FRMPD4: variants seen among roughly 807,000 people sequenced by gnomAD.
FRMPD4 encodes FERM and PDZ domain containing 4.
Under a neutral mutation model 94.1 loss-of-function variants are expected in FRMPD4, and 22 were observed. The observed-to-expected ratio is 0.23, with a 90% CI of 0.17 to 0.33. The LOEUF (loss-of-function observed/expected upper bound fraction) is 0.33, where lower values mean the gene tolerates loss of function less well. FRMPD4 is among the 10% of genes least tolerant of loss of function. The pLI, the probability that FRMPD4 is intolerant of heterozygous loss-of-function variation, is 1.00. For synonymous variants in FRMPD4, 631 were observed against 548.6 expected (o/e 1.15, Z -2.10); for missense variants, 1,111 against 1,339.9 (o/e 0.83, Z 2.67).
chrX:12,045,739 T>C (rs2054781892), intron 3 of FRMPD4, among the ~76,000 whole-genome samples: 1 of 111,464 alleles, frequency 9.0e-6, no homozygotes, highest in South Asian at 3.8e-4. Flanking sequence ...AATTGAGATT[T>C]AAGAATGGGA....
At chrX:12,638,957 C>T (rs1395381424) in intron 4 of FRMPD4, among the ~76,000 whole-genome samples, 1 of 111,436 alleles carries the variant, frequency 9.0e-6, no homozygotes, top group Non-Finnish European at 1.9e-5. Flanking sequence ...CTTGTAGATT[C>T]CCAGGATGAG....
At chrX:12,269,898 G>C (rs2054329321) in intron 1 of FRMPD4, among the ~76,000 whole-genome samples, 1 of 112,442 alleles carries the variant, frequency 8.9e-6, no homozygotes, top group African/African-American at 3.2e-5. Flanking sequence ...GGAAGAAATA[G>C]GTATTTGAAC....
intron 1 of FRMPD4, among the ~76,000 whole-genome samples, chrX:12,189,983 A>G (rs770072460): frequency 2.7e-5 from 3 of 111,597 alleles, no homozygotes; most frequent in East Asian, 5.7e-4. Flanking sequence ...GAAATAATCA[A>G]CAAAAAAATT....
At chrX:12,512,959 C>G (rs2058059166) in intron 2 of FRMPD4, among the ~76,000 whole-genome samples, 1 of 112,461 alleles carries the variant, frequency 8.9e-6, no homozygotes, top group African/African-American at 3.2e-5. Context: ...ATTTGCATTT[C>G]TCTGATGATC....
intron 3 of FRMPD4, among the ~76,000 whole-genome samples, chrX:12,010,452 A>G (rs753408438): frequency 4.5e-5 from 5 of 112,102 alleles, no homozygotes; most frequent in Non-Finnish European, 7.5e-5. Flanking sequence ...AGTCCATTCC[A>G]GAGCTTTTAA....
At chrX:12,284,695 G>A (rs530692402) in intron 1 of FRMPD4, among the ~76,000 whole-genome samples, 3 of 111,687 alleles carry the variant, frequency 2.7e-5, no homozygotes, top group South Asian at 3.8e-4. Flanking sequence ...TGAAGATGTC[G>A]TCCTGTATTT....
At chrX:12,552,021 G>T (rs911394136) in intron 2 of FRMPD4, among the ~76,000 whole-genome samples, 26 of 111,614 alleles carry the variant, frequency 2.3e-4, no homozygotes, top group Non-Finnish European at 3.2e-4. Flanking sequence ...TCAAAATAAT[G>T]AGTTGGTTCC....
At chrX:12,110,961 G>C (rs1250557692) in intron 3 of FRMPD4, among the ~76,000 whole-genome samples, 1 of 111,750 alleles carries the variant, frequency 8.9e-6, no homozygotes, top group Non-Finnish European at 1.9e-5. Flanking sequence ...CTCATGGATA[G>C]GAAAAATCAA....
chrX:11,930,396 G>T (rs1239092571), intron 3 of FRMPD4, among the ~76,000 whole-genome samples: 1 of 111,084 alleles, frequency 9.0e-6, no homozygotes, highest in Non-Finnish European at 1.9e-5. Context: ...CTTGAATTGA[G>T]TGGGCTCTAA....
chrX:12,722,468 T>C lies in FRMPD4; in HGVS notation c.*610T>C, dbSNP rs2042258214. ...ATCCCACATATTTAATTTGGGTTTT[T>C]GCTACTGGGGCTACAAATTGGTGGG... On this transcript the variant is annotated 3_prime_UTR_variant, in exon 17 of 17. Transcript: ENST00000675598. The C allele has an allele frequency of 8.9e-6, 1 of 111,770 alleles. No individual in the cohort carries two copies. Among genetic ancestry groups the C allele is most frequent in the Non-Finnish European group, 1.9e-5 (1 of 53,170 alleles). 9.2% of individuals were successfully genotyped at this position (111,770 alleles called of 1,213,427 possible).
At chrX:12,196,038 A>G (rs1352401295) in intron 1 of FRMPD4, among the ~76,000 whole-genome samples, 1 of 112,121 alleles carries the variant, frequency 8.9e-6, no homozygotes, top group Non-Finnish European at 1.9e-5. Flanking sequence ...TTGTTAGATT[A>G]TAATTTATCT....
chrX:12,652,351 T>A (rs1463511624), intron 4 of FRMPD4, among the ~76,000 whole-genome samples: 1 of 112,614 alleles, frequency 8.9e-6, no homozygotes, highest in Non-Finnish European at 1.9e-5. Flanking sequence ...ACTTTCTTTT[T>A]TGCACTGTGG....
chrX:12,620,095 G>T (rs1005168170), intron 4 of FRMPD4, among the ~76,000 whole-genome samples: 1 of 112,495 alleles, frequency 8.9e-6, no homozygotes, highest in Non-Finnish European at 1.9e-5. Context: ...TCCAACTGCA[G>T]ATCCTGAAAC....
At chrX:12,499,833 C>T (rs1267842674) in intron 2 of FRMPD4, among the ~76,000 whole-genome samples, 1 of 111,675 alleles carries the variant, frequency 9.0e-6, no homozygotes, top group Admixed American at 9.5e-5. Context: ...TTGTTATGAA[C>T]ATCGGTGTAC....
At chrX:11,897,395 G>A (rs910229316) in intron 3 of FRMPD4, among the ~76,000 whole-genome samples, 2 of 111,117 alleles carry the variant, frequency 1.8e-5, no homozygotes, top group Non-Finnish European at 3.8e-5. Flanking sequence ...ACGAATAAAT[G>A]GTACAGTTCC....
chrX:11,915,077 A>G (rs2054017652), intron 3 of FRMPD4, among the ~76,000 whole-genome samples: 1 of 112,504 alleles, frequency 8.9e-6, no homozygotes, highest in Non-Finnish European at 1.9e-5. Flanking sequence ...GCTTATTTTT[A>G]CTGGAGTTGA....
chrX:11,898,326 C>T (rs1435922906), intron 3 of FRMPD4, among the ~76,000 whole-genome samples: 1 of 111,746 alleles, frequency 8.9e-6, no homozygotes, highest in Non-Finnish European at 1.9e-5. Flanking sequence ...AGCAGGCACT[C>T]ACTTGGTCTG....
intron 1 of FRMPD4, among the ~76,000 whole-genome samples, chrX:12,401,905 CA>C (rs2056613201): frequency 9.0e-6 from 1 of 111,324 alleles, no homozygotes; most frequent in African/African-American, 3.3e-5. Context: ...GAGTTGACTA[CA>C]GAGTTAAAGT....
intron 2 of FRMPD4, among the ~76,000 whole-genome samples, chrX:12,607,476 G>A (rs143002808): frequency 4.3e-4 from 48 of 111,707 alleles, no homozygotes; most frequent in African/African-American, 1.4e-3. Flanking sequence ...TTCATGTTCT[G>A]CTGTCTTGAA....
Sources: allele counts gnomAD v4.1 joint callset (sites outside exome capture counted in the v4.1 genomes callset), GRCh38; gene constraint gnomAD v4.1.1; transcripts MANE v1.5; gene names NCBI Gene and HGNC (gene_info 2026-07-23, HGNC 2026-07-21).